The following PPP2R2B variants were observed in gnomAD, a reference collection of about 807,000 sequenced individuals.
The protein encoded by PPP2R2B is serine/threonine-protein phosphatase 2A 55 kDa regulatory subunit B beta isoform.
In PPP2R2B, 5 loss-of-function variants were observed where a neutral mutation model predicts 46.0. The ratio of observed to expected loss-of-function variants is 0.11; its 90% CI spans 0.06 to 0.23. PPP2R2B has a LOEUF of 0.23. Ranked by LOEUF, PPP2R2B falls within the 10% of genes least tolerant of loss-of-function variation. The pLI is 1.00. For synonymous variants in PPP2R2B, 215 were observed against 206.7 expected, an observed-to-expected ratio of 1.04 and a Z score of -0.34; for missense variants, 367 against 575.0, an observed-to-expected ratio of 0.64 and a Z score of 3.70.
chr5:147,054,616 CT>C, intron 1 of PPP2R2B: 1 of 456,194 alleles, frequency 2.2e-6, no homozygotes, highest in Non-Finnish European at 4.4e-6. Flanking sequence ...ATAATACAAG[CT>C]TCCTTCATTA....
At chr5:147,047,879 T>G (rs1262446733) in intron 1 of PPP2R2B, among the ~76,000 whole-genome samples, 1 of 152,172 alleles carries the variant, frequency 6.6e-6, no homozygotes, top group Non-Finnish European at 1.5e-5. Context: ...TAACCTCTTT[T>G]CAGCTGCAGA....
At chr5:146,742,961 C>A (rs1383641520) in intron 2 of PPP2R2B, among the ~76,000 whole-genome samples, 1 of 152,140 alleles carries the variant, frequency 6.6e-6, no homozygotes, top group Non-Finnish European at 1.5e-5. Flanking sequence ...GGAGAGGGGC[C>A]TGGAACTGTT....
intron 2 of PPP2R2B, chr5:146,707,551 G>C: frequency 1.4e-6 from 1 of 717,784 alleles, no homozygotes; most frequent in Admixed American, 1.9e-5. Context: ...AGAAGGCCCG[G>C]GTGCCAGAGG....
At chr5:147,037,897 ATCTAATAT>A (rs1756117160) in intron 1 of PPP2R2B, among the ~76,000 whole-genome samples, 2 of 152,230 alleles carry the variant, frequency 1.3e-5, no homozygotes, top group African/African-American at 4.8e-5. Flanking sequence ...GTTTACCAGC[ATCTAATAT>A]TCTGCCTGGC....
At chr5:146,872,241 T>C (rs1443491027) in intron 2 of PPP2R2B, among the ~76,000 whole-genome samples, 2 of 152,226 alleles carry the variant, frequency 1.3e-5, no homozygotes, top group African/African-American at 4.8e-5. Flanking sequence ...TGATTTTCAA[T>C]GCATTCTGGT....
At chr5:146,826,623 T>C (rs1419162452) in intron 2 of PPP2R2B, among the ~76,000 whole-genome samples, 1 of 152,174 alleles carries the variant, frequency 6.6e-6, no homozygotes, top group Non-Finnish European at 1.5e-5. Context: ...TTGTGCAGCA[T>C]AAAGAAATTC....
At chr5:146,938,263 A>G (rs796418137) in intron 1 of PPP2R2B, among the ~76,000 whole-genome samples, 6 of 152,332 alleles carry the variant, frequency 3.9e-5, no homozygotes, top group African/African-American at 1.4e-4. Context: ...GATATATTAA[A>G]TGTGGAAAAA....
In PPP2R2B at chr5:146,775,193, G is replaced by C. The variant is rs532534968; in HGVS notation, c.71-74051C>G. On this transcript the variant is annotated intron_variant, in intron 2 of 9. Transcript: ENST00000394411. ...AAGTCAGACAGACAACACAAGCAAA[G>C]AAAACTATAAACTAACACATTTTAT... 1.3e-3 allele frequency among the ~76,000 whole-genome samples: 203 copies of C among 152,180 alleles called. 2 individuals carry two copies. The highest frequency in any genetic ancestry group is 3.4e-3 in the Middle Eastern group (1 of 294).
intron 1 of PPP2R2B, among the ~76,000 whole-genome samples, chr5:147,041,610 T>TA (rs11434413): frequency 0.54 from 82,465 of 151,718 alleles, 23,014 homozygotes; most frequent in Middle Eastern, 0.64. Context: ...GTATTACACT[T>TA]AGAGTTTTTT....
At chr5:146,793,775 C>T (rs567471123) in intron 2 of PPP2R2B, among the ~76,000 whole-genome samples, 1 of 152,234 alleles carries the variant, frequency 6.6e-6, no homozygotes, top group Admixed American at 6.5e-5. Context: ...TATAAAGGAC[C>T]TAAGTGTGGG....
intron 2 of PPP2R2B, among the ~76,000 whole-genome samples, chr5:146,818,030 C>T (rs1758033402): frequency 6.6e-6 from 1 of 152,138 alleles, no homozygotes; most frequent in Non-Finnish European, 1.5e-5. Flanking sequence ...ATGCCCAAAC[C>T]TTAACTTTAA....
At position 147,066,745 on chromosome 5, in the gene PPP2R2B, A is replaced by AT. The variant is rs974072472; in HGVS notation, c.50+14313dup. On this transcript the variant is annotated intron_variant, in intron 2 of 10. Coordinates refer to the PPP2R2B transcript ENST00000394413. ...TGCTAGAAAGCCATTTCTAATCATG[A>AT]TTTTTTTTTGTATCATCAAGCCTCC... Among the ~76,000 whole-genome samples, 227 of 151,640 alleles carry AT rather than the reference A, an allele frequency of 1.5e-3. 1 individual carries two copies. In the Middle Eastern group the frequency reaches 0.024, roughly 16 times the overall value.
intron 2 of PPP2R2B, chr5:146,706,867 G>A (rs2151175487): frequency 8.0e-7 from 1 of 1,244,772 alleles, no homozygotes; most frequent in South Asian, 1.2e-5. Flanking sequence ...GGGAGCGGCT[G>A]TTGTCAATGG....
At chr5:146,695,673 G>A (rs1313484481) in intron 4 of PPP2R2B, among the ~76,000 whole-genome samples, 1 of 152,094 alleles carries the variant, frequency 6.6e-6, no homozygotes, top group East Asian at 1.9e-4. Context: ...AAAAGTCTAA[G>A]GAACATGTGG....
chr5:146,872,684 G>A (rs749570171), intron 2 of PPP2R2B, among the ~76,000 whole-genome samples: 2 of 152,104 alleles, frequency 1.3e-5, no homozygotes, highest in African/African-American at 2.4e-5. Context: ...ACCTGGAGAC[G>A]TTCTAAACTC....
chr5:146,820,465 G>A (rs1228639053), intron 2 of PPP2R2B, among the ~76,000 whole-genome samples: 5 of 152,152 alleles, frequency 3.3e-5, no homozygotes, highest in Non-Finnish European at 5.9e-5. Flanking sequence ...TTGGCCAATA[G>A]TTTCCCAGGG....
chr5:146,999,225 C>T (rs1243471568), intron 1 of PPP2R2B, among the ~76,000 whole-genome samples: 1 of 151,954 alleles, frequency 6.6e-6, no homozygotes, highest in African/African-American at 2.4e-5. Context: ...ACAAATTCTA[C>T]AGTAGAATAA....
intron 2 of PPP2R2B, among the ~76,000 whole-genome samples, chr5:146,873,442 A>G (rs1761724219): frequency 6.6e-6 from 1 of 152,236 alleles, no homozygotes; most frequent in Non-Finnish European, 1.5e-5. Flanking sequence ...CTTTCCATTC[A>G]TCTTTGGATA....
chr5:146,936,824 G>A (rs1043506904), intron 1 of PPP2R2B, among the ~76,000 whole-genome samples: 20 of 151,464 alleles, frequency 1.3e-4, no homozygotes, highest in Non-Finnish European at 2.6e-4. Flanking sequence ...GCCCTCCCGA[G>A]GTCCTTGTTC....
Sources: allele counts gnomAD v4.1 joint callset (sites outside exome capture counted in the v4.1 genomes callset), GRCh38; gene constraint gnomAD v4.1.1; transcripts MANE v1.5; gene names NCBI Gene and HGNC (gene_info 2026-07-23, HGNC 2026-07-21).